Variants in TRMO observed in about 807,000 individuals in gnomAD.
TRMO encodes the protein tRNA methyltransferase O, also known as tRNA (adenine(37)-N6)-methyltransferase.
A neutral mutation model predicts 37.2 loss-of-function variants in TRMO; 30 were observed. That is an observed-to-expected ratio of 0.81 (90% CI 0.60 to 1.09). TRMO has a LOEUF of 1.09. Among genes scored for constraint, TRMO ranks in the 50% least tolerant of loss-of-function variants. The pLI, the probability that TRMO is intolerant of heterozygous loss-of-function variation, is 0.00. For synonymous variants in TRMO, 239 were observed against 199.4 expected (o/e 1.20, Z -1.67); for missense variants, 552 against 549.5 (o/e 1.00, Z -0.05).
At chr9:97,917,993 AT>A (rs1268324485) in intron 1 of TRMO, among the ~76,000 whole-genome samples, 1 of 151,318 alleles carries the variant, frequency 6.6e-6, no homozygotes, top group African/African-American at 2.4e-5. Flanking sequence ...ATATTCACCA[AT>A]TTTTTTAACA....
downstream of TRMO, chr9:97,900,764 T>C: frequency 1.0e-6 from 1 of 979,234 alleles, no homozygotes; most frequent in Non-Finnish European, 1.2e-6. Flanking sequence ...AGTCTTCTCT[T>C]GCTTTCTCTG....
At position 97,910,356 on chromosome 9, in the gene TRMO, C is replaced by T. The variant is rs749423892; in HGVS notation, c.670G>A (p.Asp224Asn). 9 of 1,614,220 alleles carry T rather than the reference C, an allele frequency of 5.6e-6. No homozygotes were observed. The South Asian group carries it at 9.9e-5, about 18-fold the overall frequency. ...STKRKPKCPE[D>N]RTSEENYLTH... ...AGGTAGTTTTCTTCTGAAGTTCTGT[C>T]TTCAGGACATTTAGGTTTCCTCTTA... Residue 224 changes from aspartate (D) to asparagine (N), a missense_variant, in exon 4 of 5, where the codon GAC (aspartate) becomes AAC (asparagine). Transcript: ENST00000375119.
In TRMO at chr9:97,910,275, C is replaced by T. The variant is rs1826053039; in HGVS notation, c.751G>A (p.Ala251Thr). ...QQAFPMHREI[A>T]VDFGLESRRD... ...CTTGATTCCAAACCAAAATCCACTG[C>T]TATCTCCCTGTGCATAGGAAATGCT... Residue 251 changes from alanine to threonine, a missense_variant, in exon 4 of 5, where the codon GCA becomes ACA. Ala to Thr is a moderately conservative substitution (Grantham distance 58, BLOSUM62 0). Transcript: ENST00000375119. 2 of 1,614,136 alleles carry T rather than the reference C, an allele frequency of 1.2e-6. No homozygotes were observed. The highest frequency in any genetic ancestry group is 2.2e-5 in the East Asian group (1 of 44,908).
In TRMO at chr9:97,922,498, A is replaced by G; in HGVS notation, c.-5T>C. The G allele has an allele frequency of 6.4e-7, 1 of 1,570,166 alleles. No homozygotes were observed. The highest frequency in any genetic ancestry group is 8.6e-7 in the Non-Finnish European group (1 of 1,160,110). Reference sequence around the variant, plus strand: ...CGACTCCTCCAAGCCGCGCATGGCTACTGGTTGCTGAGGTGCCCACCCGAC... The same window carrying G: ...CGACTCCTCCAAGCCGCGCATGGCTGCTGGTTGCTGAGGTGCCCACCCGAC... On this transcript the variant is annotated 5_prime_UTR_variant, in exon 1 of 5. Transcript: ENST00000375119.
In TRMO at chr9:97,910,171, T is replaced by C. The variant is rs746997011; in HGVS notation, c.855A>G (p.Thr285=). ...CPEKSFSEKG[T]DKKLERVEGA... is the part of the protein sequence containing the mutation. ...CTTCCACTCTTTCTAGCTTCTTGTC[T>C]GTACCTTTCTCTGAAAAGCTCTTCT... Residue 285 remains threonine, a synonymous_variant, in exon 4 of 5, where the codon ACA becomes ACG. Coordinates refer to ENST00000375119, the MANE Select transcript of TRMO (RefSeq NM_016481.5). 55 of 1,614,108 alleles carry C rather than the reference T, an allele frequency of 3.4e-5. No homozygotes were observed. The Admixed American group carries it at 9.0e-4, about 26-fold the overall frequency.
rs1000279633 is a variant in TRMO, at chr9:97,913,496, C to T, written c.314G>A (p.Arg105Lys). The T allele has an allele frequency of 6.2e-7, 1 of 1,614,050 alleles. No individual in the cohort carries two copies. Among genetic ancestry groups the T allele is most frequent in the East Asian group, 2.2e-5 (1 of 44,870 alleles). ...AACTCCAGTCTTTGCACCATTCAGC[C>T]TAGGAGGCTGCACTTTTGCCTTACA... ...LSCKAKVQPPRLNGAKTGVFS... is the reference protein window; with the variant it reads ...LSCKAKVQPPKLNGAKTGVFS... Residue 105 changes from arginine to lysine, a missense_variant, in exon 3 of 5, where the codon AGG becomes AAG. By Grantham distance (26) the Arg-to-Lys change is conservative (BLOSUM62 2). Coordinates refer to ENST00000375119, the MANE Select transcript of TRMO (RefSeq NM_016481.5).
At chr9:97,899,674 C>T (rs551835266), downstream of TRMO, among the ~76,000 whole-genome samples, 1 of 152,226 alleles carries the variant, frequency 6.6e-6, no homozygotes, top group African/African-American at 2.4e-5. Flanking sequence ...CCACTTGAGG[C>T]CAGGAGTTCG....
At chr9:97,897,184 T>A in the TRMO span, among the ~76,000 whole-genome samples, 1 of 152,238 alleles carries the variant, frequency 6.6e-6, no homozygotes, top group African/African-American at 2.4e-5. Flanking sequence ...ATAAAAACAG[T>A]CTCTGACTTA....
At chr9:97,903,235 TC>T (rs974387662), downstream of TRMO, among the ~76,000 whole-genome samples, 13 of 151,708 alleles carry the variant, frequency 8.6e-5, no homozygotes, top group African/African-American at 2.7e-4. Context: ...GCTACTGCAC[TC>T]CAGCCTGGGC....
downstream of TRMO, among the ~76,000 whole-genome samples, chr9:97,902,202 T>C (rs1831184895): frequency 2.6e-5 from 4 of 152,238 alleles, no homozygotes; most frequent in South Asian, 8.3e-4. Context: ...ATATACCTCA[T>C]TTAGGCAGGG....
rs139234146 is a variant in TRMO, at chr9:97,922,449, C to G, written c.45G>C (p.Pro15=). Residue 15 remains proline, a synonymous_variant, in exon 1 of 5, where the codon CCG becomes CCC. Coordinates refer to ENST00000375119, the MANE Select transcript of TRMO (RefSeq NM_016481.5). Reference sequence around the variant, plus strand: ...CCAGAGCCGGCTTAACGCAGCCGCACGGGGTCGCTGTAGGCCGAGGCCCCG... The same window carrying G: ...CCAGAGCCGGCTTAACGCAGCCGCAGGGGGTCGCTGTAGGCCGAGGCCCCG... ...EESGPRPTAT[P]CGCVKPALET... The G allele has an allele frequency of 5.6e-5, 89 of 1,588,178 alleles. No homozygotes were observed. The East Asian group carries it at 1.8e-3, about 32-fold the overall frequency.
rs767608004 is a variant in TRMO at position 97,904,908 on chromosome 9, C to T, written c.1151G>A (p.Arg384Gln). ...AIEAVLSADPRSVYRRKLCQD... is the reference protein window; with the variant it reads ...AIEAVLSADPQSVYRRKLCQD... ...GCAAAGCTTCCGGCGGTACACAGAC[C>T]GAGGATCCGCTGACAGCACAGCCTC... Residue 384 changes from arginine to glutamine, a missense_variant, in exon 5 of 5, where the codon CGG (arginine) becomes CAG (glutamine). Transcript: ENST00000375119. The T allele has an allele frequency of 1.5e-5, 25 of 1,614,138 alleles. No homozygotes were observed. Among genetic ancestry groups the T allele is most frequent in the South Asian group, 3.3e-5 (3 of 91,082 alleles).
chr9:97,922,208 A>G (rs1446466271), intron 1 of TRMO, among the ~76,000 whole-genome samples: 1 of 152,228 alleles, frequency 6.6e-6, no homozygotes, highest in Non-Finnish European at 1.5e-5. Flanking sequence ...TACAAGTCTT[A>G]TAACAAAGCG....
chr9:97,906,341 T>A (rs1002991389), intron 4 of TRMO, among the ~76,000 whole-genome samples: 1 of 151,982 alleles, frequency 6.6e-6, no homozygotes, highest in Non-Finnish European at 1.5e-5. Flanking sequence ...CTTCCCCCAA[T>A]TCCCTGCCTA....
intron 3 of TRMO, 142 bp from the exon 4 acceptor site, chr9:97,910,758 C>T: frequency 1.1e-6 from 1 of 929,422 alleles, no homozygotes; most frequent in South Asian, 1.7e-5. Context: ...TACCAACACA[C>T]ACCCTTCTTG....
At chr9:97,916,096 A>C in intron 2 of TRMO, 68 bp downstream of exon 2, 1 of 1,251,252 alleles carries the variant, frequency 8.0e-7, no homozygotes, top group South Asian at 1.5e-5. Context: ...GGTTGCCTTC[A>C]ACTAGAGTAC....
At chr9:97,922,343 C>G (rs1232233606) in intron 1 of TRMO, 75 bp downstream of exon 1, 18 of 1,004,982 alleles carry the variant, frequency 1.8e-5, no homozygotes, top group Non-Finnish European at 2.4e-5. Context: ...GCGTTTTACA[C>G]CCCTCTCGGC....
At chr9:97,918,386 CAA>C (rs148191282) in intron 1 of TRMO, among the ~76,000 whole-genome samples, 14,981 of 124,838 alleles carry the variant, frequency 0.12, 873 homozygotes, top group Admixed American at 0.16. Flanking sequence ...GACTCCATCT[CAA>C]AAAAAAAAAA....
At position 97,904,530 on chromosome 9, in the gene TRMO, T is replaced by C; in HGVS notation, c.*203A>G. 1 of 1,387,798 alleles carries C rather than the reference T, an allele frequency of 7.2e-7. No individual in the cohort carries two copies. Among genetic ancestry groups the C allele is most frequent in the South Asian group, 1.8e-5 (1 of 56,664 alleles). 86.0% of individuals were successfully genotyped at this position (1,387,798 alleles called of 1,614,324 possible). A position where few individuals can be genotyped will look rare whatever the true frequency, so the allele number is the denominator to read the frequency against. On this transcript the variant is annotated 3_prime_UTR_variant, in exon 5 of 5. Transcript: ENST00000375119. ...TAATATCAACAGATCAAAAAGCATT[T>C]GGTGATTTCTCTGTATTTTATATCT...
Sources: allele counts gnomAD v4.1 joint callset (sites outside exome capture counted in the v4.1 genomes callset), GRCh38; gene constraint gnomAD v4.1.1; transcripts MANE v1.5; gene names NCBI Gene and HGNC (gene_info 2026-07-23, HGNC 2026-07-21).